The following FLNB variants were observed in gnomAD, a reference collection of about 807,000 sequenced individuals.
The protein encoded by FLNB is filamin B.
A neutral mutation model predicts 250.6 loss-of-function variants in FLNB; 111 were observed. The ratio of observed to expected loss-of-function variants is 0.44; its 90% confidence interval spans 0.38 to 0.52. FLNB has a LOEUF of 0.52. Ranked by LOEUF, FLNB falls within the 20% of genes least tolerant of loss-of-function variation. The pLI, the probability that FLNB is intolerant of heterozygous loss-of-function variation, is 0.00. For synonymous variants in FLNB, 1,302 were observed against 1,372.1 expected, an observed-to-expected ratio of 0.95 and a Z score of 1.13; for missense variants, 2,869 against 3,447.8, an observed-to-expected ratio of 0.83 and a Z score of 4.20.
chr3:58,084,423 C>T (rs1023888788), intron 4 of FLNB, among the ~76,000 whole-genome samples: 8 of 152,124 alleles, frequency 5.3e-5, no homozygotes, highest in East Asian at 1.9e-4. Context: ...TAATGTGAGA[C>T]GGTTTCCTTT....
At chr3:58,089,567 C>T (rs1183245080) in intron 4 of FLNB, among the ~76,000 whole-genome samples, 4 of 146,908 alleles carry the variant, frequency 2.7e-5, no homozygotes, top group Non-Finnish European at 4.5e-5. Context: ...AAAAAGGCTT[C>T]GGTAGGCAGT....
intron 1 of FLNB, among the ~76,000 whole-genome samples, chr3:58,054,303 T>A (rs1016199488): frequency 2.0e-5 from 3 of 152,202 alleles, no homozygotes; most frequent in African/African-American, 7.2e-5. Flanking sequence ...ACCAAGTATA[T>A]CCAGTGTTCA....
chr3:58,100,373 A>AAAAAAAATATATATATATATAT, intron 8 of FLNB, among the ~76,000 whole-genome samples: 14,219 of 103,858 alleles, frequency 0.14, 1,617 homozygotes, highest in East Asian at 0.33. Context: ...GTAAAAAAAA[A>AAAAAAAATATATATATATATAT]ATATATATAT....
intron 1 of FLNB, among the ~76,000 whole-genome samples, chr3:58,035,603 A>G (rs2097136943): frequency 6.6e-6 from 1 of 152,216 alleles, no homozygotes; most frequent in Admixed American, 6.5e-5. Flanking sequence ...AGGAAAATGT[A>G]GCTCAACCAC....
At chr3:58,148,597 C>A in intron 35 of FLNB, 52 bp from the exon 36 acceptor site, 1 of 1,492,314 alleles carries the variant, frequency 6.7e-7, no homozygotes, top group African/African-American at 1.4e-5. Flanking sequence ...TGTCTCTCTC[C>A]TGCTTCCTCT....
rs1216853506 is a variant in FLNB, at chr3:58,142,203, G to C, written c.5181+274G>C. 1.3e-5 allele frequency among the ~76,000 whole-genome samples: 2 copies of C among 152,220 alleles called. No individual in the cohort carries two copies. Among genetic ancestry groups the C allele is most frequent in the Non-Finnish European group, 2.9e-5 (2 of 68,048 alleles). On this transcript the variant is annotated intron_variant, in intron 30 of 45. Transcript: ENST00000295956. The surrounding 1 kb of genome is among the most constrained non-coding windows in gnomAD (Gnocchi z 4.3). ...TGTTTAAAGAGAAAGACAGACAGCT[G>C]TCTGCAGCCCTCCTGCTGCCTCTCA...
At chr3:58,028,548 G>C (rs138878802) in intron 1 of FLNB, among the ~76,000 whole-genome samples, 99 of 151,682 alleles carry the variant, frequency 6.5e-4, no homozygotes, top group African/African-American at 2.2e-3. Flanking sequence ...CTTGTGGCCA[G>C]GAGTTTGAGA....
At position 58,134,707 on chromosome 3, in the gene FLNB, C is replaced by T. The variant is rs1293322631; in HGVS notation, c.4606C>T (p.Leu1536=). The T allele has an allele frequency of 3.1e-6, 5 of 1,614,048 alleles. No homozygotes were observed. The highest frequency in any genetic ancestry group is 1.3e-5 in the African/African-American group (1 of 74,942). The change falls in exon 27 of 46, where the codon CTA becomes TTA. Residue 1536 remains leucine, a synonymous_variant. Coordinates refer to ENST00000295956, the MANE Select transcript of FLNB (RefSeq NM_001457.4). ...GLSSYGVPAS[L]PVDFAIDARD... ...TAGTTCCTATGGTGTGCCTGCCAGT[C>T]TACCTGTGGACTTTGCAATTGATGC... is the stretch of plus-strand genomic sequence containing the variant.
rs940499590 is a variant in FLNB, at chr3:58,094,934, C to A, written c.886C>A (p.Pro296Thr). The A allele has an allele frequency of 1.9e-5, 31 of 1,613,732 alleles. No homozygotes were observed. The highest frequency in any genetic ancestry group is 2.5e-5 in the Non-Finnish European group (29 of 1,179,796). ...QGDVMVFVED[P>T]EGNKEEAQVT... is the part of the protein sequence containing the mutation. ...AGACGTGATGGTGTTTGTTGAGGAC[C>A]CAGAAGGGAACAAAGAGGAGGTATG... Residue 296 changes from proline to threonine, a missense_variant, in exon 5 of 46, where the codon CCA becomes ACA. Pro to Thr is a conservative substitution (Grantham distance 38, BLOSUM62 -1). This residue lies in a region of FLNB where 308 missense variants were observed against 466.1 expected (regional missense o/e 0.66). Transcript: ENST00000295956.
chr3:58,066,369 G>A (rs1011481235), intron 1 of FLNB, among the ~76,000 whole-genome samples: 2 of 151,890 alleles, frequency 1.3e-5, no homozygotes, highest in South Asian at 2.1e-4. Context: ...ACAGGCGCCC[G>A]CCACCATGCC....
rs150052174 is a variant in FLNB, at chr3:58,095,007, G to T, written c.906+53G>T. 2.0e-4 allele frequency: 268 copies of T among 1,361,782 alleles called. No homozygotes were observed. The African/African-American group carries it at 3.1e-3, about 16-fold the overall frequency. 84.4% of individuals were successfully genotyped at this position (1,361,782 alleles called of 1,614,324 possible). Reference sequence around the variant, plus strand: ...TCCAGCACCTCATGGAGCTTTTGGGGCTTGTAATGCGGCCAGGGACTGTGC... The same window carrying T: ...TCCAGCACCTCATGGAGCTTTTGGGTCTTGTAATGCGGCCAGGGACTGTGC... On this transcript the variant is annotated intron_variant, in intron 5 of 45. Coordinates refer to ENST00000295956, the MANE Select transcript of FLNB (RefSeq NM_001457.4).
chr3:58,035,098 G>A (rs2097136191), intron 1 of FLNB, among the ~76,000 whole-genome samples: 1 of 152,162 alleles, frequency 6.6e-6, no homozygotes, highest in African/African-American at 2.4e-5. Flanking sequence ...GGCTTCCTGT[G>A]TCACTAGGTT....
At chr3:58,111,480 C>T (rs1393468758) in intron 16 of FLNB, among the ~76,000 whole-genome samples, 1 of 152,124 alleles carries the variant, frequency 6.6e-6, no homozygotes. Flanking sequence ...GTATTATTGT[C>T]GTTTTTGGTT....
At chr3:58,031,637 C>T (rs2097131268) in intron 1 of FLNB, among the ~76,000 whole-genome samples, 1 of 148,390 alleles carries the variant, frequency 6.7e-6, no homozygotes, top group African/African-American at 2.5e-5. Flanking sequence ...CTGCAGCTTC[C>T]ACCTCCCAGG....
At chr3:58,052,004 A>G (rs551043086) in intron 1 of FLNB, among the ~76,000 whole-genome samples, 11 of 152,200 alleles carry the variant, frequency 7.2e-5, no homozygotes, top group African/African-American at 2.6e-4. Context: ...CTCGTGCCTC[A>G]GCCTCCTGAG....
At chr3:58,019,145 G>T (rs1427939999) in intron 1 of FLNB, among the ~76,000 whole-genome samples, 2 of 151,966 alleles carry the variant, frequency 1.3e-5, no homozygotes, top group African/African-American at 4.8e-5. Flanking sequence ...CTAAAACAAA[G>T]AAATTGCTAT....
chr3:58,161,482 A>C (rs2107314161), intron 42 of FLNB, among the ~76,000 whole-genome samples: 1 of 152,218 alleles, frequency 6.6e-6, no homozygotes, highest in South Asian at 2.1e-4. Flanking sequence ...CTCTTCTCTT[A>C]AAGCCAATGT....
At chr3:58,128,267 ACT>A (rs2097301187) in intron 24 of FLNB, among the ~76,000 whole-genome samples, 2 of 151,646 alleles carry the variant, frequency 1.3e-5, no homozygotes, top group Admixed American at 6.6e-5. Flanking sequence ...ACTCACACTC[ACT>A]CTCTCTCACA....
At position 58,008,484 on chromosome 3, in the gene FLNB, G is replaced by A. The variant is rs886058757; in HGVS notation, c.-81G>A. On this transcript the variant is annotated 5_prime_UTR_variant, in exon 1 of 46. Coordinates refer to ENST00000295956, the MANE Select transcript of FLNB (RefSeq NM_001457.4). ...CGAACCCCGCTCCCGCTCCGCTTCG[G>A]TTCTCGCTCCTTCGGCCCTTGGGCC... 1 of 1,492,424 alleles carries A rather than the reference G, an allele frequency of 6.7e-7. No homozygotes were observed. The highest frequency in any genetic ancestry group is 1.4e-5 in the African/African-American group (1 of 71,822). 92.4% of individuals were successfully genotyped at this position (1,492,424 alleles called of 1,614,324 possible). A position where few individuals can be genotyped will look rare whatever the true frequency, so the allele number is the denominator to read the frequency against.
Sources: allele counts gnomAD v4.1 joint callset (sites outside exome capture counted in the v4.1 genomes callset), GRCh38; gene constraint gnomAD v4.1.1; regional missense constraint gnomAD v4.1.1; non-coding constraint Gnocchi (gnomAD v3.1); transcripts MANE v1.5; gene names NCBI Gene and HGNC (gene_info 2026-07-23, HGNC 2026-07-21).